The following FOCAD variants were observed in gnomAD, a reference collection of about 807,000 sequenced individuals.
FOCAD encodes the protein focadhesin.
Under a neutral mutation model 225.6 loss-of-function variants are expected in FOCAD, and 198 were observed. The ratio of observed to expected loss-of-function variants is 0.88; its 90% CI spans 0.78 to 0.99. The LOEUF (loss-of-function observed/expected upper bound fraction) is 0.99, where lower values mean the gene tolerates loss of function less well. Among genes scored for constraint, FOCAD ranks in the 50% least tolerant of loss-of-function variants. The pLI is 0.00. For synonymous variants in FOCAD, 897 were observed against 755.0 expected (o/e 1.19, Z -3.08); for missense variants, 2,713 against 2,123.6 (o/e 1.28, Z -5.46).
At chr9:20,791,625 T>C (rs1478031979) in intron 11 of FOCAD, among the ~76,000 whole-genome samples, 2 of 152,194 alleles carry the variant, frequency 1.3e-5, no homozygotes, top group Admixed American at 1.3e-4. Flanking sequence ...TATAACCTTA[T>C]ATTCAAAATT....
chr9:20,913,858 A>G (rs1339332978), intron 23 of FOCAD, among the ~76,000 whole-genome samples: 1 of 152,328 alleles, frequency 6.6e-6, no homozygotes, highest in Non-Finnish European at 1.5e-5. Flanking sequence ...GAAGTAGTAT[A>G]TTTGCTAAGT....
chr9:20,684,304 C>G lies in FOCAD; in HGVS notation c.-33+11C>G, dbSNP rs919388131. On this transcript the variant is annotated intron_variant, in intron 1 of 43. Coordinates refer to ENST00000338382, the MANE Select transcript of FOCAD (RefSeq NM_001375567.1). Reference sequence around the variant, plus strand: ...TGTGGCAGAAGGGAGGTAAGCCGTGCGGGGCGGCGGGCTGCCACCGCTGCA... The same window carrying G: ...TGTGGCAGAAGGGAGGTAAGCCGTGGGGGGCGGCGGGCTGCCACCGCTGCA... The G allele has an allele frequency of 6.6e-6, 1 of 152,284 alleles. No individual in the cohort carries two copies. Among genetic ancestry groups the G allele is most frequent in the Admixed American group, 6.5e-5 (1 of 15,294 alleles). 9.4% of individuals were successfully genotyped at this position (152,284 alleles called of 1,614,324 possible).
chr9:20,723,670 T>C (rs1825970238), intron 4 of FOCAD, among the ~76,000 whole-genome samples: 1 of 152,210 alleles, frequency 6.6e-6, no homozygotes, highest in Non-Finnish European at 1.5e-5. Context: ...TGTATGTGTA[T>C]TTACATGTAT....
intron 21 of FOCAD, among the ~76,000 whole-genome samples, chr9:20,906,519 T>C (rs1483294453): frequency 6.6e-6 from 1 of 152,090 alleles, no homozygotes; most frequent in East Asian, 1.9e-4. Flanking sequence ...GAAATGACTA[T>C]GAGAACCAGA....
At position 20,720,434 on chromosome 9, in the gene FOCAD, C is replaced by G. The variant is rs781347830; in HGVS notation, c.187C>G (p.Arg63Gly). ...GTGTTGCAGTGACAATGTAGTGGTT[C>G]GAACAGCCTGCTGTGAAGGTCTGGT... ...EKCCSDNVVV[R>G]TACCEGLVAL... is the part of the protein sequence containing the mutation. Residue 63 changes from arginine to glycine, a missense_variant, in exon 4 of 44, where the codon CGA (arginine) becomes GGA (glycine). Physicochemically the swap from Arg to Gly is moderately radical, Grantham distance 125 (BLOSUM62 -2). Coordinates refer to ENST00000338382, the MANE Select transcript of FOCAD (RefSeq NM_001375567.1). 1 of 1,614,012 alleles carries G rather than the reference C, an allele frequency of 6.2e-7. No individual in the cohort carries two copies. Among genetic ancestry groups the G allele is most frequent in the East Asian group, 2.2e-5 (1 of 44,866 alleles).
chr9:20,881,758 T>C (rs781398858), intron 19 of FOCAD, 113 bp from the exon 20 acceptor site: 14 of 1,040,750 alleles, frequency 1.3e-5, no homozygotes, highest in Non-Finnish European at 1.8e-5. Flanking sequence ...TTTTACCATG[T>C]AAGGTTTGGC....
At chr9:20,777,806 A>G (rs966394037) in intron 8 of FOCAD, among the ~76,000 whole-genome samples, 2 of 152,180 alleles carry the variant, frequency 1.3e-5, no homozygotes, top group African/African-American at 4.8e-5. Flanking sequence ...ATGGTTTTTA[A>G]AGATTGACTG....
intron 15 of FOCAD, among the ~76,000 whole-genome samples, chr9:20,834,751 C>G (rs1191012391): frequency 6.6e-6 from 1 of 152,006 alleles, no homozygotes; most frequent in Non-Finnish European, 1.5e-5. Context: ...AGGAAATTTT[C>G]TGGACTGTGG....
chr9:20,794,797 A>G (rs1304016321), intron 11 of FOCAD, among the ~76,000 whole-genome samples: 2 of 152,200 alleles, frequency 1.3e-5, no homozygotes, highest in Admixed American at 6.5e-5. Flanking sequence ...AGTTTCTTGA[A>G]AAAAACTAAT....
At chr9:20,810,032 C>A (rs1822884110) in intron 11 of FOCAD, among the ~76,000 whole-genome samples, 1 of 152,130 alleles carries the variant, frequency 6.6e-6, no homozygotes, top group East Asian at 1.9e-4. Flanking sequence ...ACTCACAAGA[C>A]TCAGCATAGA....
intron 5 of FOCAD, among the ~76,000 whole-genome samples, chr9:20,757,668 A>G (rs1481210131): frequency 6.6e-6 from 1 of 152,156 alleles, no homozygotes; most frequent in Non-Finnish European, 1.5e-5. Context: ...GGGTTCGGGT[A>G]AGGTTGGAGG....
chr9:20,968,431 C>CTTTTTTTTTT lies in FOCAD; in HGVS notation c.4133-7974_4133-7965dup, dbSNP rs35624897. Among the ~76,000 whole-genome samples, 35 of 43,636 alleles carry CTTTTTTTTTT rather than the reference C, an allele frequency of 8.0e-4. 4 individuals are homozygous for CTTTTTTTTTT. The highest frequency in any genetic ancestry group is 1.3e-3 in the South Asian group (1 of 744). The allele number at this position is 43,636 out of a possible 152,430, so 28.6% of individuals were successfully genotyped here. On this transcript the variant is annotated intron_variant, in intron 35 of 43. Transcript: ENST00000338382. ...GTTCTGTTGTTTGTATTTTCTTATT[C>CTTTTTTTTTT]TTTTTTTTTTTTTTTTTTTTTTTTG...
intron 35 of FOCAD, among the ~76,000 whole-genome samples, chr9:20,953,328 G>A (rs1837852522): frequency 6.6e-6 from 1 of 152,112 alleles, no homozygotes; most frequent in African/African-American, 2.4e-5. Context: ...CTCCCATTTG[G>A]CCCTTTCCAA....
intron 18 of FOCAD, chr9:20,874,460 A>G: frequency 2.2e-6 from 1 of 454,896 alleles, no homozygotes; most frequent in Non-Finnish European, 3.8e-6. Flanking sequence ...CTTTTTATAC[A>G]GATCTGAGAT....
At chr9:20,757,134 G>T (rs1247986574) in intron 5 of FOCAD, among the ~76,000 whole-genome samples, 1 of 152,120 alleles carries the variant, frequency 6.6e-6, no homozygotes, top group African/African-American at 2.4e-5. Flanking sequence ...TCTCCATGTT[G>T]GTCAGGCTGG....
rs1021772990 is a variant in FOCAD, at chr9:20,959,139, T to C, written c.4132+6074T>C. On this transcript the variant is annotated intron_variant, in intron 35 of 43. Coordinates refer to ENST00000338382, the MANE Select transcript of FOCAD (RefSeq NM_001375567.1). ...TGTTATTTATAGTGGGTATACTAGT[T>C]TACATTCCCACCAACAGTGAATGAA... 1.1e-4 allele frequency among the ~76,000 whole-genome samples: 17 copies of C among 152,198 alleles called. 1 individual carries two copies. The highest frequency in any genetic ancestry group is 4.1e-4 in the African/African-American group (17 of 41,442).
At chr9:20,983,416 A>G (rs1840885196) in intron 39 of FOCAD, among the ~76,000 whole-genome samples, 1 of 152,052 alleles carries the variant, frequency 6.6e-6, no homozygotes, top group African/African-American at 2.4e-5. Context: ...TACTAAAGGT[A>G]CAAAAATTAG....
intron 24 of FOCAD, among the ~76,000 whole-genome samples, chr9:20,918,756 T>C (rs997585403): frequency 6.6e-6 from 1 of 152,002 alleles, no homozygotes. Flanking sequence ...AAGTATCTTA[T>C]AGACCTTATT....
intron 10 of FOCAD, among the ~76,000 whole-genome samples, chr9:20,785,381 A>T (rs1207797116): frequency 6.6e-6 from 1 of 152,132 alleles, no homozygotes; most frequent in Non-Finnish European, 1.5e-5. Context: ...CTGCACTCTT[A>T]GTCATCACTC....
Sources: gnomAD v4.1 joint callset for allele counts (sites outside exome capture counted in the v4.1 genomes callset) on GRCh38, gnomAD v4.1.1 for gene constraint, MANE v1.5 for transcripts, NCBI Gene and HGNC (gene_info 2026-07-23, HGNC 2026-07-21) for gene names.